NHP2: variants seen among roughly 807,000 people sequenced by gnomAD.
NHP2 encodes H/ACA ribonucleoprotein complex subunit 2.
NHP2 carries 10 observed loss-of-function variants against 16.7 expected under a neutral mutation model. The observed-to-expected ratio is 0.60, with a 90% CI of 0.37 to 1.01. NHP2 has a LOEUF of 1.01. Among genes scored for constraint, NHP2 ranks in the 50% least tolerant of loss-of-function variants. NHP2 has a pLI of 0.01. For missense variants in NHP2, 184 were observed against 198.3 expected (o/e 0.93, Z 0.43); for synonymous variants, 87 against 78.9 (o/e 1.10, Z -0.54).
At position 178,153,726 on chromosome 5, in the gene NHP2, T is replaced by C. The variant is rs778200704; in HGVS notation, c.92A>G (p.Gln31Arg). Residue 31 changes from glutamine (Q) to arginine (R), a missense_variant, in exon 1 of 4, where the codon CAG becomes CGG. Transcript: ENST00000274606. ...ERTYQELLVN[Q>R]NPIAQPLASR... ...AGCCAGGGGCTGCGCGATGGGGTTC[T>C]GGTTGACCAGCAGCTCCTGGTAGGT... 1 of 1,613,980 alleles carries C rather than the reference T, an allele frequency of 6.2e-7. No homozygotes were observed. The highest frequency in any genetic ancestry group is 8.5e-7 in the Non-Finnish European group (1 of 1,179,906).
intron 3 of NHP2, chr5:178,150,093 G>A (rs769777761): frequency 6.6e-5 from 25 of 377,962 alleles, no homozygotes; most frequent in Admixed American, 8.8e-5. Flanking sequence ...GGGCTGTCCC[G>A]GTCCCTGCCA....
Position 178,153,668 on chromosome 5 carries a change from G to C in NHP2, c.150C>G (p.Cys50Trp). 6.2e-7 allele frequency: 1 copy of C among 1,613,978 alleles called. No individual in the cohort carries two copies. The highest frequency in any genetic ancestry group is 1.1e-5 in the South Asian group (1 of 91,072). Residue 50 changes from cysteine (C) to tryptophan (W), a missense_variant, in exon 1 of 4, where the codon TGC (cysteine) becomes TGG (tryptophan). Physicochemically the swap from Cys to Trp is radical, Grantham distance 215. Transcript: ENST00000274606. ...SRRLTRKLYK[C>W]IKKAVKQKQI... Reference sequence around the variant, plus strand: ...CGCCGTCCGCCTCACCTTTCTTGATGCATTTGTAGAGCTTCCGCGTGAGGC... The same window carrying C: ...CGCCGTCCGCCTCACCTTTCTTGATCCATTTGTAGAGCTTCCGCGTGAGGC...
chr5:178,149,802 AGGTGGG>A lies in NHP2; in HGVS notation c.367_372del (p.Pro123_Thr124del). ...TCATGGGGCTTGACCATTATCACAC[AGGTGGG>A]GCGCTTGGAGCCTGCGGCTGCACCC... is the stretch of plus-strand genomic sequence containing the variant. On this transcript the variant is annotated inframe_deletion, in exon 4 of 4. Transcript: ENST00000274606. 2.5e-6 allele frequency: 4 copies of A among 1,613,874 alleles called. No homozygotes were observed. Among genetic ancestry groups the A allele is most frequent in the Non-Finnish European group, 2.5e-6 (3 of 1,179,844 alleles).
Position 178,150,839 on chromosome 5 carries a change from C to A in NHP2, c.336+49G>T, listed in dbSNP as rs372434797. 1.1e-5 allele frequency: 14 copies of A among 1,221,000 alleles called. No homozygotes were observed. The African/African-American group carries it at 1.9e-4, about 17-fold the overall frequency. The allele number at this position is 1,221,000 out of a possible 1,614,324, so 75.6% of individuals were successfully genotyped here. On this transcript the variant is annotated intron_variant, in intron 3 of 3. Transcript: ENST00000274606. ...ACACTCTCCTGCTATGGCAGACTAT[C>A]CCAGACACCCCAGTGCTGAGCAAGG...
At chr5:178,151,081 G>C in intron 2 of NHP2, 88 bp from the exon 3 acceptor site, 1 of 1,131,752 alleles carries the variant, frequency 8.8e-7, no homozygotes, top group Non-Finnish European at 1.3e-6. Context: ...CTTAGGGATA[G>C]AGACAAAATT....
rs376220034 is a variant in NHP2, at chr5:178,153,648, T to C, written c.160+10A>G. ...CGCACCCATCCCGGCCACGCCGCCG[T>C]CCGCCTCACCTTTCTTGATGCATTT... is the stretch of plus-strand genomic sequence containing the variant. On this transcript the variant is annotated intron_variant, in intron 1 of 3. Transcript: ENST00000274606. 6.8e-5 allele frequency: 109 copies of C among 1,613,784 alleles called. No individual in the cohort carries two copies. Among genetic ancestry groups the C allele is most frequent in the Admixed American group, 2.0e-4 (12 of 59,992 alleles).
chr5:178,153,187 C>A (rs1756318303), intron 2 of NHP2: 3 of 473,580 alleles, frequency 6.3e-6, no homozygotes, highest in East Asian at 4.3e-5. Flanking sequence ...GGGCGGGGGC[C>A]GGAGGTAATC....
chr5:178,149,854 A>G lies in NHP2; in HGVS notation c.337-16T>C. Reference sequence around the variant, plus strand: ...CACCCAGGTCCTACAGAGGGGAAAGAAGTGCTGTTTGGAAAAAAGCTGTAC... The same window carrying G: ...CACCCAGGTCCTACAGAGGGGAAAGGAGTGCTGTTTGGAAAAAAGCTGTAC... On this transcript the variant is annotated splice_polypyrimidine_tract_variant and intron_variant, in intron 3 of 3. Coordinates refer to ENST00000274606, the MANE Select transcript of NHP2 (RefSeq NM_017838.4). 6.2e-7 allele frequency: 1 copy of G among 1,612,890 alleles called. No individual in the cohort carries two copies. The highest frequency in any genetic ancestry group is 8.5e-7 in the Non-Finnish European group (1 of 1,179,324).
chr5:178,150,093 G>C, intron 3 of NHP2: 1 of 378,080 alleles, frequency 2.6e-6, no homozygotes, highest in Non-Finnish European at 4.9e-6. Flanking sequence ...GGGCTGTCCC[G>C]GTCCCTGCCA....
At chr5:178,150,765 G>T in intron 3 of NHP2, 123 bp downstream of exon 3, 1 of 785,312 alleles carries the variant, frequency 1.3e-6, no homozygotes, top group Non-Finnish European at 2.3e-6. Flanking sequence ...ATGTGGAGCT[G>T]AGAATCCATC....
At chr5:178,152,714 T>G (rs564909235) in intron 2 of NHP2, among the ~76,000 whole-genome samples, 1 of 152,236 alleles carries the variant, frequency 6.6e-6, no homozygotes, top group African/African-American at 2.4e-5. Context: ...AACGTGTAAT[T>G]AGTTGTGTGT....
intron 2 of NHP2, among the ~76,000 whole-genome samples, chr5:178,151,974 C>T (rs1228989566): frequency 6.6e-6 from 1 of 152,070 alleles, no homozygotes; most frequent in African/African-American, 2.4e-5. Context: ...CTGTTCACAT[C>T]TCAAGATTGG....
At chr5:178,150,749 AAG>A in intron 3 of NHP2, 137 bp downstream of exon 3, 1 of 777,062 alleles carries the variant, frequency 1.3e-6, no homozygotes, top group Non-Finnish European at 2.4e-6. Flanking sequence ...TCCCAAAACT[AAG>A]AAGATGTGGA....
chr5:178,152,128 C>T (rs1057178908), intron 2 of NHP2, among the ~76,000 whole-genome samples: 1 of 152,130 alleles, frequency 6.6e-6, no homozygotes, highest in African/African-American at 2.4e-5. Context: ...AGTCTACTAC[C>T]TGAACTTTCC....
intron 2 of NHP2, 110 bp from the exon 3 acceptor site, chr5:178,151,103 G>T: frequency 1.1e-6 from 1 of 903,572 alleles, no homozygotes; most frequent in Non-Finnish European, 1.8e-6. Flanking sequence ...TGTTTGGTGA[G>T]CACACTATTT....
At chr5:178,152,581 G>C (rs1179336987) in intron 2 of NHP2, among the ~76,000 whole-genome samples, 3 of 152,244 alleles carry the variant, frequency 2.0e-5, no homozygotes, top group African/African-American at 7.2e-5. Context: ...CATCTGGCCT[G>C]AGAGGGTGAT....
chr5:178,153,362 A>T, intron 2 of NHP2, 129 bp downstream of exon 2: 1 of 884,398 alleles, frequency 1.1e-6, no homozygotes, highest in Non-Finnish European at 1.9e-6. Context: ...AAGGGACTTT[A>T]CCGACTGCTT....
chr5:178,150,781 C>T (rs1166358464), intron 3 of NHP2, 107 bp downstream of exon 3: 1 of 805,124 alleles, frequency 1.2e-6, no homozygotes, highest in African/African-American at 1.7e-5. Context: ...CCATCCAGGC[C>T]TGTCTTAGCT....
In NHP2 at chr5:178,153,517, C is replaced by G; in HGVS notation, c.204G>C (p.Gln68His). ...KQIRRGVKEVQKFVNKGEKGI... is the reference protein window; with the variant it reads ...KQIRRGVKEVHKFVNKGEKGI... ...CTTTTTCTCCTTTGTTGACAAATTTCTGAACCTCTTTCACCCCGCGCCGAA... is the reference window on the plus strand; with the variant it reads ...CTTTTTCTCCTTTGTTGACAAATTTGTGAACCTCTTTCACCCCGCGCCGAA... The change falls in exon 2 of 4, where the codon CAG (glutamine) becomes CAC (histidine). Residue 68 changes from glutamine to histidine, a missense_variant. Transcript: ENST00000274606. The G allele has an allele frequency of 1.2e-6, 2 of 1,614,214 alleles. No homozygotes were observed. The highest frequency in any genetic ancestry group is 1.7e-5 in the Admixed American group (1 of 60,022).
Sources: gnomAD v4.1 joint callset for allele counts (sites outside exome capture counted in the v4.1 genomes callset) on GRCh38, gnomAD v4.1.1 for gene constraint, MANE v1.5 for transcripts, NCBI Gene and HGNC (gene_info 2026-07-23, HGNC 2026-07-21) for gene names.